Variants in SH2D4B observed in about 807,000 individuals in gnomAD.
The protein encoded by SH2D4B is SH2 domain-containing protein 4B.
In SH2D4B, 45 loss-of-function variants were observed where a neutral mutation model predicts 61.5. The ratio of observed to expected loss-of-function variants is 0.73; its 90% CI spans 0.58 to 0.94. The LOEUF (loss-of-function observed/expected upper bound fraction) is 0.94, where lower values mean the gene tolerates loss of function less well. Ranked by LOEUF, SH2D4B falls within the 40% of genes least tolerant of loss-of-function variation. The pLI is 0.00. For synonymous variants in SH2D4B, 224 were observed against 220.4 expected (o/e 1.02, Z -0.14); for missense variants, 572 against 574.2 (o/e 1.00, Z 0.04).
intron 3 of SH2D4B, among the ~76,000 whole-genome samples, chr10:80,582,934 T>G (rs2132125895): frequency 6.6e-6 from 1 of 152,312 alleles, no homozygotes; most frequent in East Asian, 1.9e-4. Flanking sequence ...TACTTACATC[T>G]GAGGGTCCTG....
chr10:80,609,729 C>CG (rs1340793365), intron 6 of SH2D4B, among the ~76,000 whole-genome samples, 178 bp downstream of exon 6: 3 of 152,204 alleles, frequency 2.0e-5, no homozygotes, highest in Non-Finnish European at 4.4e-5. Flanking sequence ...GGATGCTGAA[C>CG]GGGCCTCCCA....
At position 80,538,164 on chromosome 10, in the gene SH2D4B, C is replaced by T. The variant is rs1347097848; in HGVS notation, c.-168C>T. 1.5e-5 allele frequency: 7 copies of T among 469,810 alleles called. No individual in the cohort carries two copies. Among genetic ancestry groups the T allele is most frequent in the African/African-American group, 6.0e-5 (3 of 49,688 alleles). 29.1% of individuals were successfully genotyped at this position (469,810 alleles called of 1,614,324 possible). ...CTGTCCTGGGTAGAGGAGATGAGTT[C>T]GTCGCTGGCTGCAAGCTGAGGCCAA... On this transcript the variant is annotated 5_prime_UTR_variant, in exon 1 of 8. Transcript: ENST00000646907. The surrounding 1 kb of genome is among the most constrained non-coding windows in gnomAD (Gnocchi z 4.8).
intron 1 of SH2D4B, among the ~76,000 whole-genome samples, chr10:80,563,267 TA>T (rs1841929145): frequency 6.6e-6 from 1 of 152,214 alleles, no homozygotes; most frequent in Non-Finnish European, 1.5e-5. Flanking sequence ...ATATCTATTC[TA>T]GTCTTTTGCC....
intron 1 of SH2D4B, among the ~76,000 whole-genome samples, chr10:80,547,839 A>G (rs1841703132): frequency 6.6e-6 from 1 of 152,186 alleles, no homozygotes; most frequent in East Asian, 1.9e-4. Flanking sequence ...CTCTTGTGCC[A>G]TGAGAGTTGG....
chr10:80,641,987 A>G (rs1013971553), intron 7 of SH2D4B, among the ~76,000 whole-genome samples: 3 of 152,236 alleles, frequency 2.0e-5, no homozygotes, highest in Admixed American at 6.5e-5. Flanking sequence ...TCTGTCCTCT[A>G]CTTTGATTAT....
chr10:80,613,032 T>A (rs1458626572), intron 6 of SH2D4B, among the ~76,000 whole-genome samples: 1 of 152,094 alleles, frequency 6.6e-6, no homozygotes, highest in Non-Finnish European at 1.5e-5. Context: ...GCCATGCCAG[T>A]GTGTTTCCTG....
chr10:80,593,447 T>C (rs900103031), intron 4 of SH2D4B, among the ~76,000 whole-genome samples: 2 of 152,270 alleles, frequency 1.3e-5, no homozygotes, highest in East Asian at 3.8e-4. Flanking sequence ...TGGCGTATTC[T>C]TTCTGATGCT....
At chr10:80,623,987 G>C (rs1196142259) in intron 6 of SH2D4B, among the ~76,000 whole-genome samples, 1 of 152,136 alleles carries the variant, frequency 6.6e-6, no homozygotes, top group Non-Finnish European at 1.5e-5. Flanking sequence ...GAGGGTGCAT[G>C]TGTACTTTAT....
intron 1 of SH2D4B, among the ~76,000 whole-genome samples, chr10:80,547,106 C>T (rs937932358): frequency 7.9e-5 from 12 of 152,140 alleles, no homozygotes; most frequent in African/African-American, 2.9e-4. Context: ...TCCACTTTGT[C>T]TGGTTTCATT....
chr10:80,587,583 T>C lies in SH2D4B; in HGVS notation c.496-1047T>C, dbSNP rs566746150. Among the ~76,000 whole-genome samples, 4 of 152,318 alleles carry C rather than the reference T, an allele frequency of 2.6e-5. No individual in the cohort carries two copies. In the East Asian group the frequency reaches 7.7e-4, roughly 29 times the overall value. On this transcript the variant is annotated intron_variant, in intron 3 of 7. Coordinates refer to ENST00000646907, the MANE Select transcript of SH2D4B (RefSeq NM_001388272.1). ...CGTGAGCCACGACGCCCAGCTTTTT[T>C]TTTTCTTTCTAAACTTTTATTTTAG... is the stretch of plus-strand genomic sequence containing the variant.
intron 1 of SH2D4B, among the ~76,000 whole-genome samples, chr10:80,560,521 G>A (rs1403697760): frequency 1.3e-5 from 2 of 151,550 alleles, no homozygotes; most frequent in African/African-American, 4.9e-5. Context: ...AAGTAGTTGG[G>A]ACTATAGGTG....
At chr10:80,571,366 G>C in intron 2 of SH2D4B, 65 bp from the exon 3 acceptor site, 2 of 1,532,960 alleles carry the variant, frequency 1.3e-6, no homozygotes, top group Non-Finnish European at 1.8e-6. Context: ...TTTATTTCAA[G>C]TTCTATTGTT....
At chr10:80,605,551 G>C (rs1842509052) in intron 5 of SH2D4B, among the ~76,000 whole-genome samples, 1 of 152,070 alleles carries the variant, frequency 6.6e-6, no homozygotes, top group Admixed American at 6.5e-5. Flanking sequence ...GTCTCACTCT[G>C]TCTCCCAGGC....
chr10:80,581,167 C>A (rs1842181162), intron 3 of SH2D4B, among the ~76,000 whole-genome samples: 1 of 152,148 alleles, frequency 6.6e-6, no homozygotes, highest in South Asian at 2.1e-4. Context: ...CCTCTGGTTC[C>A]CTGGGTGGTG....
At chr10:80,550,648 A>G (rs2132106260) in intron 1 of SH2D4B, among the ~76,000 whole-genome samples, 1 of 152,296 alleles carries the variant, frequency 6.6e-6, no homozygotes, top group African/African-American at 2.4e-5. Context: ...AAAGCTGTAA[A>G]TTAAACTATG....
intron 6 of SH2D4B, among the ~76,000 whole-genome samples, chr10:80,628,633 G>T (rs907428595): frequency 6.6e-6 from 1 of 152,166 alleles, no homozygotes; most frequent in South Asian, 2.1e-4. Context: ...ATGGAATGCT[G>T]TTTGCTATCC....
intron 4 of SH2D4B, among the ~76,000 whole-genome samples, chr10:80,597,186 G>A (rs552602608): frequency 6.6e-6 from 1 of 152,222 alleles, no homozygotes; most frequent in Non-Finnish European, 1.5e-5. Context: ...GGGAGTGGAG[G>A]AGGGGTTTCC....
intron 1 of SH2D4B, among the ~76,000 whole-genome samples, chr10:80,543,447 C>G (rs12765176): frequency 7.9e-4 from 120 of 152,296 alleles, no homozygotes; most frequent in Non-Finnish European, 1.5e-3. Flanking sequence ...GCTGCCTTCC[C>G]GCGGCGCAGG....
At chr10:80,577,531 A>T (rs1842140053) in intron 3 of SH2D4B, among the ~76,000 whole-genome samples, 1 of 150,428 alleles carries the variant, frequency 6.6e-6, no homozygotes, top group Non-Finnish European at 1.5e-5. Context: ...GGTTCATGCC[A>T]TTCTCCTGCC....
Sources: gnomAD v4.1 joint callset for allele counts (sites outside exome capture counted in the v4.1 genomes callset) on GRCh38, gnomAD v4.1.1 for gene constraint, Gnocchi (gnomAD v3.1) non-coding constraint, MANE v1.5 for transcripts, NCBI Gene and HGNC (gene_info 2026-07-23, HGNC 2026-07-21) for gene names.